CTNND2: variants seen among roughly 807,000 people sequenced by gnomAD.
CTNND2 encodes catenin delta 2, also known as catenin delta-2.
In CTNND2, 22 loss-of-function variants were observed where a neutral mutation model predicts 144.4. The observed-to-expected ratio is 0.15, with a 90% CI of 0.11 to 0.22. The LOEUF (loss-of-function observed/expected upper bound fraction) is 0.22. Among genes scored for constraint, CTNND2 ranks in the 10% least tolerant of loss-of-function variants. The pLI, the probability that CTNND2 is intolerant of heterozygous loss-of-function variation, is 1.00. For synonymous variants in CTNND2, 751 were observed against 695.6 expected (o/e 1.08, Z -1.25); for missense variants, 1,353 against 1,618.8 (o/e 0.84, Z 2.82).
chr5:11,003,723 C>T (rs1388608079), intron 18 of CTNND2, among the ~76,000 whole-genome samples: 1 of 152,114 alleles, frequency 6.6e-6, no homozygotes, highest in Non-Finnish European at 1.5e-5. Flanking sequence ...AAACTAATTC[C>T]ATCAACAATT....
intron 16 of CTNND2, among the ~76,000 whole-genome samples, chr5:11,035,080 T>C (rs917445101): frequency 7.1e-6 from 1 of 141,604 alleles, no homozygotes; most frequent in Non-Finnish European, 1.5e-5. Flanking sequence ...TGTCCATGTG[T>C]TCTCATTGTT....
intron 9 of CTNND2, among the ~76,000 whole-genome samples, chr5:11,330,579 A>C (rs1753024163): frequency 6.6e-6 from 1 of 151,006 alleles, no homozygotes. Context: ...CCAGGATTGC[A>C]GAAGGGCGAG....
chr5:11,106,805 C>T (rs1018184390), intron 14 of CTNND2, among the ~76,000 whole-genome samples: 2 of 152,182 alleles, frequency 1.3e-5, no homozygotes, highest in African/African-American at 4.8e-5. Flanking sequence ...TCCCTCGCAG[C>T]TCTGGTGCCA....
At chr5:11,046,936 A>G (rs759726734) in intron 16 of CTNND2, among the ~76,000 whole-genome samples, 3 of 152,184 alleles carry the variant, frequency 2.0e-5, no homozygotes, top group African/African-American at 7.2e-5. Context: ...CTCAAGACCA[A>G]TTTCTCTAGA....
At chr5:11,869,800 G>C (rs1011937381) in intron 1 of CTNND2, among the ~76,000 whole-genome samples, 1 of 152,168 alleles carries the variant, frequency 6.6e-6, no homozygotes, top group Admixed American at 6.5e-5. Context: ...ACTAGAAGGT[G>C]AGGAGACAAG....
At chr5:11,038,248 C>A (rs1744293663) in intron 16 of CTNND2, among the ~76,000 whole-genome samples, 1 of 152,140 alleles carries the variant, frequency 6.6e-6, no homozygotes, top group Non-Finnish European at 1.5e-5. Flanking sequence ...CTGTTAGGAA[C>A]CAGGCCACAC....
rs773906474 is a variant in CTNND2 at position 11,346,410 on chromosome 5, G to A, written c.1590C>T (p.Ala530=). The stretch of plus-strand genomic sequence containing the variant: ...GAATGCTATCAATGGACGGGGACCT[G>A]GCCAAGGTGCCTTCAGGCGGGAGAG... ...GPALPPEGTL[A]RSPSIDSIQK... The change falls in exon 9 of 22, where the codon GCC becomes GCT. Residue 530 remains alanine, a synonymous_variant. Coordinates refer to ENST00000304623, the MANE Select transcript of CTNND2 (RefSeq NM_001332.4). The A allele has an allele frequency of 2.6e-5, 40 of 1,525,786 alleles. No individual in the cohort carries two copies. In the East Asian group the frequency reaches 9.2e-4, roughly 35 times the overall value. The allele number at this position is 1,525,786 out of a possible 1,614,324, so 94.5% of individuals were successfully genotyped here. A position where few individuals can be genotyped will look rare whatever the true frequency, so the allele number is the denominator to read the frequency against.
chr5:11,392,285 A>G (rs1435303156), intron 6 of CTNND2, among the ~76,000 whole-genome samples: 1 of 152,210 alleles, frequency 6.6e-6, no homozygotes, highest in Non-Finnish European at 1.5e-5. Context: ...AAATGTTCTG[A>G]AAAGTATTTC....
chr5:11,657,250 G>A (rs1782961407), intron 2 of CTNND2, among the ~76,000 whole-genome samples: 1 of 152,014 alleles, frequency 6.6e-6, no homozygotes, highest in Admixed American at 6.6e-5. Flanking sequence ...TACTGAACTC[G>A]TATTTTCATT....
At chr5:11,636,679 T>C (rs74946041) in intron 2 of CTNND2, among the ~76,000 whole-genome samples, 32 of 152,314 alleles carry the variant, frequency 2.1e-4, no homozygotes, top group African/African-American at 6.3e-4. Flanking sequence ...CCAATGTTCA[T>C]GTCTTGAAGG....
intron 2 of CTNND2, among the ~76,000 whole-genome samples, chr5:11,598,355 C>T (rs1271679215): frequency 6.6e-6 from 1 of 152,112 alleles, no homozygotes; most frequent in Non-Finnish European, 1.5e-5. Flanking sequence ...AGGAGAAATT[C>T]CAGCTTCCTC....
intron 5 of CTNND2, among the ~76,000 whole-genome samples, chr5:11,402,241 C>G (rs1199590638): frequency 2.6e-5 from 4 of 152,112 alleles, no homozygotes; most frequent in Non-Finnish European, 4.4e-5. Flanking sequence ...CCATCAACCT[C>G]AAAACTCATT....
intron 11 of CTNND2, among the ~76,000 whole-genome samples, chr5:11,166,280 G>T (rs933618415): frequency 7.5e-6 from 1 of 133,080 alleles, no homozygotes; most frequent in Non-Finnish European, 1.5e-5. Context: ...ATGGAGTCTT[G>T]CTCTGTCACC....
In CTNND2 at chr5:11,709,918, A is replaced by G. The variant is rs10066789; in HGVS notation, c.174+22218T>C. Among the ~76,000 whole-genome samples the G allele has an allele frequency of 6.0e-3, 921 of 152,360 alleles. 11 individuals carry two copies. Among genetic ancestry groups the G allele is most frequent in the African/African-American group, 0.021 (859 of 41,588 alleles). On this transcript the variant is annotated intron_variant, in intron 2 of 21. Coordinates refer to ENST00000304623, the MANE Select transcript of CTNND2 (RefSeq NM_001332.4). The stretch of plus-strand genomic sequence containing the variant: ...AGATATTACAAAAAAGCATATTTGT[A>G]CATTAATAATGTAAGAGTTATTTAG...
chr5:11,080,970 G>A (rs1749484062), intron 16 of CTNND2, among the ~76,000 whole-genome samples: 1 of 152,022 alleles, frequency 6.6e-6, no homozygotes, highest in Non-Finnish European at 1.5e-5. Flanking sequence ...CCAGCTACTC[G>A]AGAGGCTGAG....
At chr5:11,084,735 A>G (rs1429898752) in intron 15 of CTNND2, among the ~76,000 whole-genome samples, 1 of 151,916 alleles carries the variant, frequency 6.6e-6, no homozygotes, top group Non-Finnish European at 1.5e-5. Context: ...ACTGGCTTAT[A>G]TATTTGAGAT....
intron 1 of CTNND2, among the ~76,000 whole-genome samples, chr5:11,821,150 A>C (rs1195559531): frequency 6.6e-6 from 1 of 152,184 alleles, no homozygotes; most frequent in Admixed American, 6.5e-5. Context: ...CAATATATCC[A>C]ATATAAACTT....
At chr5:11,728,373 G>A (rs1787140252) in intron 2 of CTNND2, among the ~76,000 whole-genome samples, 1 of 152,114 alleles carries the variant, frequency 6.6e-6, no homozygotes, top group South Asian at 2.1e-4. Context: ...GGAGGCTGGG[G>A]CAGGAGAATC....
intron 10 of CTNND2, among the ~76,000 whole-genome samples, chr5:11,211,651 GAC>G (rs1738649361): frequency 1.3e-5 from 2 of 152,212 alleles, no homozygotes; most frequent in Non-Finnish European, 1.5e-5. Flanking sequence ...AGTTCAGAAA[GAC>G]ACAGCCCTTC....
Sources: allele counts gnomAD v4.1 joint callset (sites outside exome capture counted in the v4.1 genomes callset), GRCh38; gene constraint gnomAD v4.1.1; transcripts MANE v1.5; gene names NCBI Gene and HGNC (gene_info 2026-07-23, HGNC 2026-07-21).